Variants in TEX11 observed in about 807,000 individuals in gnomAD.
TEX11 encodes the protein testis-expressed protein 11.
In TEX11, 7 loss-of-function variants were observed where a neutral mutation model predicts 84.4. The ratio of observed to expected loss-of-function variants is 0.08; its 90% CI spans 0.05 to 0.16. The LOEUF (loss-of-function observed/expected upper bound fraction) is 0.16, where lower values mean the gene tolerates loss of function less well. Ranked by LOEUF, TEX11 falls within the 10% of genes least tolerant of loss-of-function variation. The pLI is 1.00. For missense variants in TEX11, 551 were observed against 660.5 expected (o/e 0.83, Z 1.82); for synonymous variants, 264 against 222.8 (o/e 1.18, Z -1.64).
intron 13 of TEX11, among the ~76,000 whole-genome samples, chrX:70,713,098 G>T (rs1252247221): frequency 8.9e-6 from 1 of 111,820 alleles, no homozygotes; most frequent in African/African-American, 3.3e-5. Context: ...TACGTTTATT[G>T]ATTTGCATAT....
chrX:70,647,820 G>A (rs1260930222), intron 17 of TEX11, among the ~76,000 whole-genome samples: 1 of 111,810 alleles, frequency 8.9e-6, no homozygotes. Flanking sequence ...TGGTGGGACT[G>A]TAAACTAGTT....
intron 2 of TEX11, among the ~76,000 whole-genome samples, chrX:70,884,840 A>G (rs774833658): frequency 4.2e-4 from 46 of 110,297 alleles, no homozygotes; most frequent in Non-Finnish European, 6.0e-4. Flanking sequence ...GAAAATCATG[A>G]CAAGCAGAAA....
intron 25 of TEX11, among the ~76,000 whole-genome samples, chrX:70,583,033 T>C (rs1464562945): frequency 9.0e-6 from 1 of 111,191 alleles, no homozygotes; most frequent in African/African-American, 3.3e-5. Flanking sequence ...TTTAAATGTT[T>C]GATTGTCACT....
chrX:70,896,415 TTGG>T (rs2091766428), intron 2 of TEX11, among the ~76,000 whole-genome samples: 1 of 111,960 alleles, frequency 8.9e-6, no homozygotes, highest in African/African-American at 3.2e-5. Context: ...TTTTACACTG[TTGG>T]TGGGAGTGTA....
chrX:70,866,544 T>G (rs2091600310), intron 4 of TEX11, among the ~76,000 whole-genome samples: 1 of 111,624 alleles, frequency 9.0e-6, no homozygotes, highest in South Asian at 3.8e-4. Context: ...TAACTGATTT[T>G]ATGAGGCCAG....
intron 9 of TEX11, among the ~76,000 whole-genome samples, chrX:70,768,709 C>G (rs2090955645): frequency 9.0e-6 from 1 of 111,557 alleles, no homozygotes. Flanking sequence ...AGGTCTCTCT[C>G]TTGACATGTG....
chrX:70,895,674 A>G (rs760758213), intron 2 of TEX11, among the ~76,000 whole-genome samples: 2 of 111,946 alleles, frequency 1.8e-5, no homozygotes, highest in South Asian at 7.5e-4. Flanking sequence ...CAAAACAGAT[A>G]TATAGACCAA....
intron 2 of TEX11, among the ~76,000 whole-genome samples, chrX:70,888,103 G>A (rs999644407): frequency 7.1e-5 from 8 of 112,710 alleles, no homozygotes; most frequent in Non-Finnish European, 5.6e-5. Flanking sequence ...AGAAGGACAG[G>A]TACAAATAAG....
chrX:70,568,370 C>G (rs1026858075), intron 25 of TEX11, among the ~76,000 whole-genome samples: 30 of 110,773 alleles, frequency 2.7e-4, no homozygotes, highest in Non-Finnish European at 4.7e-4. Flanking sequence ...ATTTGCCAGT[C>G]TGTGTCTTTT....
At chrX:70,748,213 A>T (rs1410958837) in intron 9 of TEX11, among the ~76,000 whole-genome samples, 1 of 111,662 alleles carries the variant, frequency 9.0e-6, no homozygotes, top group Non-Finnish European at 1.9e-5. Context: ...ATGAAAAACA[A>T]TAATCGACAC....
the TEX11 span, among the ~76,000 whole-genome samples, chrX:70,519,713 C>T: frequency 2.4e-3 from 271 of 112,064 alleles, no homozygotes; most frequent in South Asian, 0.02. Flanking sequence ...AGAGTGTTTT[C>T]CAACTTGGTT....
chrX:70,874,040 T>C (rs2091643015), intron 3 of TEX11, among the ~76,000 whole-genome samples: 1 of 111,076 alleles, frequency 9.0e-6, no homozygotes, highest in African/African-American at 3.3e-5. Flanking sequence ...CTCAGTCTAT[T>C]AGTTACTGCA....
chrX:70,811,735 G>A (rs1383223911), intron 8 of TEX11, among the ~76,000 whole-genome samples: 3 of 110,431 alleles, frequency 2.7e-5, no homozygotes, highest in Non-Finnish European at 5.7e-5. Context: ...GTGTGAGATG[G>A]TATCTCATTG....
intron 5 of TEX11, among the ~76,000 whole-genome samples, chrX:70,860,484 C>G (rs1399618687): frequency 9.0e-6 from 1 of 111,444 alleles, no homozygotes; most frequent in Non-Finnish European, 1.9e-5. Context: ...AAATCCTGTA[C>G]CCTTTTCCTT....
intron 13 of TEX11, among the ~76,000 whole-genome samples, chrX:70,711,113 T>A (rs918955644): frequency 4.5e-5 from 5 of 111,316 alleles, no homozygotes; most frequent in Admixed American, 1.9e-4. Flanking sequence ...ACAAGGGACA[T>A]GAACTCATCC....
At chrX:70,769,556 C>T (rs1263432908) in intron 9 of TEX11, among the ~76,000 whole-genome samples, 1 of 111,569 alleles carries the variant, frequency 9.0e-6, no homozygotes, top group Non-Finnish European at 1.9e-5. Flanking sequence ...GAAGGTGAAT[C>T]ATTTTTTCAA....
chrX:70,527,058 C>G (rs893157966), downstream of TEX11, among the ~76,000 whole-genome samples: 1 of 111,679 alleles, frequency 9.0e-6, no homozygotes. Flanking sequence ...AAACCTCTAC[C>G]TTACCAATGC....
Position 70,601,555 on chromosome X carries a change from T to TTA in TEX11, c.2067+3845_2067+3846insTA, listed in dbSNP as rs1258514562. Among the ~76,000 whole-genome samples, 66 of 97,367 alleles carry TTA rather than the reference T, an allele frequency of 6.8e-4. No homozygotes were observed. The East Asian group carries it at 0.016, about 23-fold the overall frequency. 84.6% of individuals were successfully genotyped at this position (97,367 alleles called of 115,157 possible). A position where few individuals can be genotyped will look rare whatever the true frequency, so the allele number is the denominator to read the frequency against. On this transcript the variant is annotated intron_variant, in intron 24 of 29. Coordinates refer to ENST00000374333, the MANE Select transcript of TEX11 (RefSeq NM_031276.3). ...CATTCTTTTTTTTTTTTTTTTTTTT[T>TTA]ATTGATCATTCTTGGGTGTTTCTCG...
chrX:70,763,611 TA>T (rs759192214), intron 9 of TEX11, among the ~76,000 whole-genome samples: 11 of 108,768 alleles, frequency 1.0e-4, no homozygotes, highest in African/African-American at 2.0e-4. Context: ...AATAAAAAAT[TA>T]AAAAAAATAG....
Sources: gnomAD v4.1 joint callset for allele counts (sites outside exome capture counted in the v4.1 genomes callset) on GRCh38, gnomAD v4.1.1 for gene constraint, MANE v1.5 for transcripts, NCBI Gene and HGNC (gene_info 2026-07-23, HGNC 2026-07-21) for gene names.